PCDHA4: variants seen among roughly 807,000 people sequenced by gnomAD.
PCDHA4 encodes the protein protocadherin alpha-4.
A neutral mutation model predicts 61.4 loss-of-function variants in PCDHA4; 49 were observed. That is an observed-to-expected ratio of 0.80 (90% CI 0.63 to 1.01). The LOEUF is 1.01. PCDHA4 is among the 50% of genes least tolerant of loss of function. PCDHA4 has a pLI of 0.00. For missense variants in PCDHA4, 1,254 were observed against 1,235.8 expected, an observed-to-expected ratio of 1.01 and a Z score of -0.22; for synonymous variants, 590 against 550.3, an observed-to-expected ratio of 1.07 and a Z score of -1.01.
At chr5:140,934,771 A>G (rs1319115042) in intron 1 of PCDHA4, among the ~76,000 whole-genome samples, 2 of 152,184 alleles carry the variant, frequency 1.3e-5, no homozygotes, top group Non-Finnish European at 2.9e-5. Context: ...CATATTTGAT[A>G]TGGCCCAATC....
intron 3 of PCDHA4, among the ~76,000 whole-genome samples, chr5:140,998,767 T>C (rs367972918): frequency 5.3e-5 from 8 of 152,312 alleles, no homozygotes; most frequent in African/African-American, 1.9e-4. Flanking sequence ...TTTCACTATG[T>C]TGGTCAGGCT....
chr5:140,906,889 G>T (rs1397235059), intron 1 of PCDHA4, among the ~76,000 whole-genome samples: 1 of 152,172 alleles, frequency 6.6e-6, no homozygotes, highest in Non-Finnish European at 1.5e-5. Flanking sequence ...TTCCTTCTTA[G>T]ATTGTTGGTT....
In PCDHA4 at chr5:140,808,267, A is replaced by AG. The variant is rs782560297; in HGVS notation, c.1081dup (p.Glu361GlyfsTer62). ...TCAAGTCTTTATCACTTCCAATTAG[A>AG]GAGGACGCTCCACTGGGTACAGTCA... On this transcript the variant is annotated frameshift_variant, in exon 1 of 4. Transcript: ENST00000530339. LOFTEE classifies it high-confidence loss of function. 1.2e-6 allele frequency: 2 copies of AG among 1,614,242 alleles called. No individual in the cohort carries two copies. Among genetic ancestry groups the AG allele is most frequent in the Admixed American group, 3.3e-5 (2 of 60,034 alleles).
chr5:140,858,727 G>A (rs2045572985), intron 1 of PCDHA4: 2 of 482,238 alleles, frequency 4.1e-6, no homozygotes, highest in Non-Finnish European at 3.7e-6. Context: ...CAGTTCTGAC[G>A]ATTTACTTTC....
intron 1 of PCDHA4, among the ~76,000 whole-genome samples, chr5:140,895,100 T>G (rs1306041919): frequency 2.0e-5 from 3 of 152,190 alleles, no homozygotes; most frequent in African/African-American, 7.2e-5. Context: ...TAGGGGTTTT[T>G]GCTACAAGAA....
At chr5:140,966,860 T>TTGC (rs148181752) in intron 1 of PCDHA4, 11 of 1,577,372 alleles carry the variant, frequency 7.0e-6, no homozygotes, top group Non-Finnish European at 9.4e-6. Flanking sequence ...CCTGCTGCTG[T>TTGC]TGCTGCTGCT....
rs782513302 is a variant in PCDHA4 at position 140,857,057 on chromosome 5, GTGGAACTAC to G, written c.2385+47490_2385+47498del. The stretch of plus-strand genomic sequence containing the variant: ...TATGGTTGGTCACTGCACGGTCCTA[GTGGAACTAC>G]TGGATGAAAATGATAATTCACCTGA... On this transcript the variant is annotated intron_variant, in intron 1 of 3. Coordinates refer to ENST00000530339, the MANE Select transcript of PCDHA4 (RefSeq NM_018907.4). 670 of 1,596,188 alleles carry G rather than the reference GTGGAACTAC, an allele frequency of 4.2e-4. 48 individuals are homozygous for G. The highest frequency in any genetic ancestry group is 2.0e-3 in the Middle Eastern group (12 of 5,996).
chr5:140,839,214 T>TG (rs2150295462), intron 1 of PCDHA4, among the ~76,000 whole-genome samples: 88,381 of 151,600 alleles, frequency 0.58, 26,863 homozygotes, highest in African/African-American at 0.73. Context: ...CCTTCAAAGA[T>TG]GTAACTGTAA....
chr5:140,999,176 T>A (rs546665453), intron 3 of PCDHA4, among the ~76,000 whole-genome samples: 1 of 152,274 alleles, frequency 6.6e-6, no homozygotes, highest in African/African-American at 2.4e-5. Context: ...AAGAGCCTGA[T>A]GGGGAGAGGG....
intron 1 of PCDHA4, among the ~76,000 whole-genome samples, chr5:140,943,885 T>C (rs762067236): frequency 6.6e-5 from 10 of 152,242 alleles, no homozygotes; most frequent in Non-Finnish European, 1.2e-4. Flanking sequence ...TTCATTGGAC[T>C]GGTCATTATG....
chr5:140,836,322 C>T (rs2150257752), intron 1 of PCDHA4: 37 of 1,613,644 alleles, frequency 2.3e-5, no homozygotes, highest in Admixed American at 3.3e-5. Context: ...GCGCCACCGC[C>T]TTCTGGTGCT....
chr5:140,840,468 A>G (rs2150307012), intron 1 of PCDHA4, among the ~76,000 whole-genome samples: 2 of 151,992 alleles, frequency 1.3e-5, no homozygotes, highest in Non-Finnish European at 2.9e-5. Context: ...AAGTTGGGGA[A>G]AAAAGTTTAA....
chr5:140,907,164 G>T (rs1554192895), intron 1 of PCDHA4, among the ~76,000 whole-genome samples: 2 of 152,098 alleles, frequency 1.3e-5, no homozygotes, highest in Non-Finnish European at 2.9e-5. Context: ...ACCATATATT[G>T]GATGCTGATT....
chr5:140,871,031 G>C (rs543880939), intron 1 of PCDHA4: 4 of 1,613,210 alleles, frequency 2.5e-6, no homozygotes, highest in Middle Eastern at 3.3e-4. Flanking sequence ...GACTCGCCGC[G>C]CCACCGACTT....
intron 1 of PCDHA4, among the ~76,000 whole-genome samples, chr5:140,923,489 A>G (rs549066009): frequency 2.2e-4 from 34 of 152,300 alleles, no homozygotes; most frequent in African/African-American, 7.5e-4. Context: ...TCTTCACACC[A>G]CTGCACTCCA....
Position 140,968,451 on chromosome 5 carries a change from C to T in PCDHA4, c.2386-10498C>T, listed in dbSNP as rs782416830. 9 of 1,614,130 alleles carry T rather than the reference C, an allele frequency of 5.6e-6. No homozygotes were observed. The South Asian group carries it at 9.9e-5, about 18-fold the overall frequency. ...AAGGGGAGCCCACCACTGAGCAGCACTGTGACTGCCAACGTATATGTGGTG... is the reference window on the plus strand; with the variant it reads ...AAGGGGAGCCCACCACTGAGCAGCATTGTGACTGCCAACGTATATGTGGTG... On this transcript the variant is annotated intron_variant, in intron 1 of 3. Transcript: ENST00000530339.
chr5:141,000,447 G>C (rs2097938373), intron 3 of PCDHA4, among the ~76,000 whole-genome samples: 1 of 41,758 alleles, frequency 2.4e-5, no homozygotes, highest in Admixed American at 2.7e-4. Flanking sequence ...TTTTTTTTGA[G>C]ACAGAGTTTT....
intron 3 of PCDHA4, among the ~76,000 whole-genome samples, chr5:141,005,089 A>C (rs1554259886): frequency 6.6e-6 from 1 of 152,244 alleles, no homozygotes; most frequent in Non-Finnish European, 1.5e-5. Context: ...TTAGTACTTT[A>C]CATGCATTAC....
chr5:140,834,292 C>T, intron 1 of PCDHA4: 4 of 1,207,488 alleles, frequency 3.3e-6, no homozygotes, highest in Non-Finnish European at 3.5e-6. Flanking sequence ...ACAACAATGG[C>T]CACACATCGA....
Sources: gnomAD v4.1 joint callset for allele counts (sites outside exome capture counted in the v4.1 genomes callset) on GRCh38, gnomAD v4.1.1 for gene constraint, MANE v1.5 for transcripts, NCBI Gene and HGNC (gene_info 2026-07-23, HGNC 2026-07-21) for gene names.